Variants in SESTD1 observed in about 807,000 individuals in gnomAD.
SESTD1 encodes SEC14 domain and spectrin repeat-containing protein 1.
Under a neutral mutation model 101.7 loss-of-function variants are expected in SESTD1, and 43 were observed. That is an observed-to-expected ratio of 0.42 (90% confidence interval 0.33 to 0.55). The LOEUF is 0.55. SESTD1 is among the 20% of genes least tolerant of loss of function. The probability of loss-of-function intolerance (pLI) is 0.07; values close to 1 mark genes in which losing one functional copy is unlikely to be tolerated. For synonymous variants in SESTD1, 283 were observed against 286.8 expected (o/e 0.99, Z 0.13); for missense variants, 647 against 815.1 (o/e 0.79, Z 2.51).
intron 2 of SESTD1, among the ~76,000 whole-genome samples, chr2:179,187,365 C>T (rs1327395748): frequency 5.3e-5 from 8 of 152,154 alleles, no homozygotes. Context: ...TAGCTCATGC[C>T]TATAATCTCA....
At chr2:179,117,434 C>CT (rs1234819001) in intron 14 of SESTD1, 98 bp downstream of exon 14, 1 of 1,112,150 alleles carries the variant, frequency 9.0e-7, no homozygotes, top group African/African-American at 1.7e-5. Flanking sequence ...CAAGAATTTA[C>CT]TTTTTTAGGA....
chr2:179,258,520 T>C (rs1400400453), intron 1 of SESTD1, among the ~76,000 whole-genome samples: 3 of 152,188 alleles, frequency 2.0e-5, no homozygotes, highest in East Asian at 1.9e-4. Context: ...TACAAACCAA[T>C]TGACAAAGGC....
rs1440137846 is a variant in SESTD1, at chr2:179,103,537, A to G, written c.*6362T>C. The stretch of plus-strand genomic sequence containing the variant: ...GGCCAATCCTGGAAACAGCCCAGGT[A>G]TCTATCAATAATAGGAAATTAAGAA... On this transcript the variant is annotated 3_prime_UTR_variant, in exon 18 of 18. Transcript: ENST00000428443. 1 of 152,152 alleles carries G rather than the reference A, an allele frequency of 6.6e-6. No individual in the cohort carries two copies. The highest frequency in any genetic ancestry group is 1.5e-5 in the Non-Finnish European group (1 of 68,016). The allele number at this position is 152,152 out of a possible 1,614,324, so 9.4% of individuals were successfully genotyped here.
chr2:179,215,149 T>C (rs1363778339), intron 1 of SESTD1, among the ~76,000 whole-genome samples: 2 of 134,042 alleles, frequency 1.5e-5, no homozygotes, highest in Non-Finnish European at 3.2e-5. Context: ...AGAGCAGAAC[T>C]GAAGGAGATA....
At position 179,185,682 on chromosome 2, in the gene SESTD1, T is replaced by TATATACA. The variant is rs1436470058; in HGVS notation, c.56-2495_56-2494insTGTATAT. The stretch of plus-strand genomic sequence containing the variant: ...ATATACAATATATAATATAGCATAT[T>TATATACA]ATATATAATATAGTATATTATATAC... On this transcript the variant is annotated intron_variant, in intron 2 of 17. Transcript: ENST00000428443. Among the ~76,000 whole-genome samples the TATATACA allele has an allele frequency of 5.7e-3, 616 of 107,840 alleles. 10 individuals carry two copies. Among genetic ancestry groups the TATATACA allele is most frequent in the Admixed American group, 0.011 (88 of 8,270 alleles). 70.7% of individuals were successfully genotyped at this position (107,840 alleles called of 152,430 possible).
intron 5 of SESTD1, among the ~76,000 whole-genome samples, chr2:179,154,317 G>A (rs1161410149): frequency 6.6e-6 from 1 of 151,538 alleles, no homozygotes; most frequent in Non-Finnish European, 1.5e-5. Context: ...GAGGGAGGGA[G>A]AGAGGGAGAC....
At chr2:179,139,275 A>G (rs1418094424) in intron 9 of SESTD1, among the ~76,000 whole-genome samples, 2 of 152,156 alleles carry the variant, frequency 1.3e-5, no homozygotes, top group Non-Finnish European at 2.9e-5. Flanking sequence ...TGTACCATCA[A>G]GCAGATGGCC....
At chr2:179,182,539 T>G (rs1168551351) in intron 3 of SESTD1, among the ~76,000 whole-genome samples, 4 of 152,148 alleles carry the variant, frequency 2.6e-5, no homozygotes, top group African/African-American at 9.7e-5. Flanking sequence ...TATTTTTTTT[T>G]GTTGAAGTCA....
At chr2:179,198,594 T>C (rs1465686764) in intron 1 of SESTD1, among the ~76,000 whole-genome samples, 1 of 151,764 alleles carries the variant, frequency 6.6e-6, no homozygotes, top group African/African-American at 2.4e-5. Context: ...ACAGAAATTA[T>C]AACAAACTAT....
Position 179,120,233 on chromosome 2 carries a change from A to G in SESTD1, c.1442+1537T>C, listed in dbSNP as rs542131364. ...ACAGAGCGAGACTCTGTTTCAAAAAAAAAAGAAAAGAAAAGAAAAATTACC... is the reference window on the plus strand; with the variant it reads ...ACAGAGCGAGACTCTGTTTCAAAAAGAAAAGAAAAGAAAAGAAAAATTACC... On this transcript the variant is annotated intron_variant, in intron 13 of 17. Transcript: ENST00000428443. Among the ~76,000 whole-genome samples, 543 of 152,096 alleles carry G rather than the reference A, an allele frequency of 3.6e-3. 7 individuals carry two copies. The highest frequency in any genetic ancestry group is 0.011 in the African/African-American group (448 of 41,446).
At chr2:179,198,680 C>T (rs956731759) in intron 1 of SESTD1, among the ~76,000 whole-genome samples, 1 of 151,778 alleles carries the variant, frequency 6.6e-6, no homozygotes, top group Non-Finnish European at 1.5e-5. Flanking sequence ...TACATGGAAA[C>T]TGAACAACCT....
At chr2:179,138,549 G>T (rs1419566201) in intron 9 of SESTD1, among the ~76,000 whole-genome samples, 2 of 152,126 alleles carry the variant, frequency 1.3e-5, no homozygotes, top group Admixed American at 1.3e-4. Context: ...TAGTGCCAGA[G>T]AAAGCCATGG....
At chr2:179,117,844 T>C (rs1325226696) in intron 13 of SESTD1, among the ~76,000 whole-genome samples, 2 of 152,292 alleles carry the variant, frequency 1.3e-5, no homozygotes, top group Admixed American at 6.5e-5. Flanking sequence ...CTCTTAAAGA[T>C]AGCATGGATT....
At chr2:179,137,135 C>T (rs778031679) in intron 9 of SESTD1, among the ~76,000 whole-genome samples, 14 of 152,138 alleles carry the variant, frequency 9.2e-5, no homozygotes, top group Non-Finnish European at 1.5e-4. Context: ...ACTGGAAAAA[C>T]AGTTCTATCC....
chr2:179,212,525 C>T (rs1045942247), intron 1 of SESTD1, among the ~76,000 whole-genome samples: 2 of 136,002 alleles, frequency 1.5e-5, no homozygotes, highest in African/African-American at 2.9e-5. Context: ...CTCAACAAGG[C>T]CTATTGCCTC....
chr2:179,229,683 A>G (rs915218667), intron 1 of SESTD1, among the ~76,000 whole-genome samples: 2 of 150,138 alleles, frequency 1.3e-5, no homozygotes, highest in African/African-American at 2.4e-5. Flanking sequence ...AAAAGAAACG[A>G]AAAAGAAAGT....
chr2:179,206,145 A>G (rs1326157395), intron 1 of SESTD1, among the ~76,000 whole-genome samples: 1 of 135,578 alleles, frequency 7.4e-6, no homozygotes, highest in Non-Finnish European at 1.6e-5. Flanking sequence ...AATGGCAAAT[A>G]GGAGACAGGA....
intron 2 of SESTD1, among the ~76,000 whole-genome samples, chr2:179,184,741 T>C (rs989239469): frequency 6.6e-6 from 1 of 152,132 alleles, no homozygotes; most frequent in African/African-American, 2.4e-5. Flanking sequence ...CTCCTCAAAA[T>C]TGCTAAGCTT....
At chr2:179,128,345 AAT>A (rs903908943) in intron 10 of SESTD1, among the ~76,000 whole-genome samples, 1 of 152,200 alleles carries the variant, frequency 6.6e-6, no homozygotes, top group Non-Finnish European at 1.5e-5. Flanking sequence ...GCCATAAAGA[AAT>A]AGTCTCTCTG....
Sources: allele counts gnomAD v4.1 joint callset (sites outside exome capture counted in the v4.1 genomes callset), GRCh38; gene constraint gnomAD v4.1.1; transcripts MANE v1.5; gene names NCBI Gene and HGNC (gene_info 2026-07-23, HGNC 2026-07-21).